TEX52: variants seen among roughly 807,000 people sequenced by gnomAD.
The protein encoded by TEX52 is testis expressed 52, also known as testis-expressed protein 52.
A neutral mutation model predicts 17.6 loss-of-function variants in TEX52; 22 were observed. The observed-to-expected ratio is 1.25, with a 90% CI of 0.89 to 1.78. TEX52 has a LOEUF of 1.78. TEX52 is among the 40% of genes most tolerant of loss of function. The pLI, the probability that TEX52 is intolerant of heterozygous loss-of-function variation, is 0.00. For synonymous variants in TEX52, 168 were observed against 147.4 expected, an observed-to-expected ratio of 1.14 and a Z score of -1.01; for missense variants, 396 against 372.3, an observed-to-expected ratio of 1.06 and a Z score of -0.52.
intron 1 of TEX52, 146 bp downstream of exon 1, chr12:2,856,809 T>C: frequency 6.4e-6 from 4 of 627,162 alleles, no homozygotes; most frequent in Non-Finnish European, 1.1e-5. Flanking sequence ...GGGTTCCTAG[T>C]GTCATAGGAT....
chr12:2,855,176 G>A lies in TEX52; in HGVS notation c.343C>T (p.Pro115Ser), dbSNP rs1360599459. The A allele has an allele frequency of 9.2e-6, 14 of 1,514,914 alleles. No homozygotes were observed. Among genetic ancestry groups the A allele is most frequent in the Non-Finnish European group, 1.1e-5 (13 of 1,133,264 alleles). 93.8% of individuals were successfully genotyped at this position (1,514,914 alleles called of 1,614,324 possible). ...PATFPTQPDR[P>S]YDSNVWRWLT... ...CAGCGCCAGACATTGCTATCGTAGG[G>A]CCTGTCAGGCTGGGTGGGGAAGGTG... The change falls in exon 2 of 3, where the codon CCC becomes TCC. Residue 115 changes from proline (P) to serine (S), a missense_variant. Pro to Ser is a moderately conservative substitution (Grantham distance 74, BLOSUM62 -1). Transcript: ENST00000637658.
At chr12:2,851,509 G>A (rs190022382) in intron 2 of TEX52, among the ~76,000 whole-genome samples, 1 of 150,302 alleles carries the variant, frequency 6.7e-6, no homozygotes, top group African/African-American at 2.4e-5. Flanking sequence ...TGCCCGGCTA[G>A]TTTTTGTATT....
At chr12:2,853,755 GAC>G (rs1398712720) in intron 2 of TEX52, among the ~76,000 whole-genome samples, 1 of 152,072 alleles carries the variant, frequency 6.6e-6, no homozygotes, top group East Asian at 1.9e-4. Context: ...GCCTGGGCTG[GAC>G]ACAGTTGGGA....
chr12:2,855,138 G>A lies in TEX52; in HGVS notation c.381C>T (p.Ser127=), dbSNP rs1210164798. Residue 127 remains serine (S), a synonymous_variant, in exon 2 of 3, where the codon TCC becomes TCT. Coordinates refer to ENST00000637658, the MANE Select transcript of TEX52 (RefSeq NM_001365174.2). ...DSNVWRWLTD[S]NAHRCPPTEH... The stretch of plus-strand genomic sequence containing the variant: ...CCGTGGGGGGGCATCTGTGGGCATT[G>A]GAGTCGGTCAGCCAGCGCCAGACAT... 1 of 1,531,510 alleles carries A rather than the reference G, an allele frequency of 6.5e-7. No individual in the cohort carries two copies. The allele number at this position is 1,531,510 out of a possible 1,614,324, so 94.9% of individuals were successfully genotyped here. A position where few individuals can be genotyped will look rare whatever the true frequency, so the allele number is the denominator to read the frequency against.
At chr12:2,851,416 C>A (rs1313092450) in intron 2 of TEX52, among the ~76,000 whole-genome samples, 1 of 152,140 alleles carries the variant, frequency 6.6e-6, no homozygotes, top group Non-Finnish European at 1.5e-5. Context: ...GATCTTGGCT[C>A]ACTGCAACCT....
chr12:2,849,176 A>C lies in TEX52; in HGVS notation c.*55T>G. On this transcript the variant is annotated 3_prime_UTR_variant, in exon 3 of 3. Coordinates refer to ENST00000637658, the MANE Select transcript of TEX52 (RefSeq NM_001365174.2). The stretch of plus-strand genomic sequence containing the variant: ...CCTCTTGCTGAAGGAGCATTGATTG[A>C]GAACACTGGAGCCTGGGGCTCTGGG... 6.8e-7 allele frequency: 1 copy of C among 1,474,612 alleles called. No homozygotes were observed. Among genetic ancestry groups the C allele is most frequent in the Non-Finnish European group, 9.0e-7 (1 of 1,116,814 alleles). 91.3% of individuals were successfully genotyped at this position (1,474,612 alleles called of 1,614,324 possible).
chr12:2,854,638 A>T (rs2153929506), intron 2 of TEX52, among the ~76,000 whole-genome samples: 1 of 152,162 alleles, frequency 6.6e-6, no homozygotes, highest in South Asian at 2.1e-4. Flanking sequence ...ACTGAGTCAC[A>T]CTTCTCTGTG....
At chr12:2,853,397 T>C (rs1174671407) in intron 2 of TEX52, among the ~76,000 whole-genome samples, 1 of 152,080 alleles carries the variant, frequency 6.6e-6, no homozygotes, top group South Asian at 2.1e-4. Context: ...CTCAGCCTCC[T>C]GAGTAGCTGG....
At chr12:2,848,746 T>G (rs1382556146), downstream of TEX52, among the ~76,000 whole-genome samples, 1 of 152,140 alleles carries the variant, frequency 6.6e-6, no homozygotes, top group Non-Finnish European at 1.5e-5. Context: ...TTTGGTTATT[T>G]TTGCCTAAGA....
At chr12:2,852,546 T>C (rs1385138308) in intron 2 of TEX52, among the ~76,000 whole-genome samples, 1 of 152,022 alleles carries the variant, frequency 6.6e-6, no homozygotes, top group Non-Finnish European at 1.5e-5. Context: ...TTTTGATATT[T>C]TTGTGGAGAC....
intron 1 of TEX52, among the ~76,000 whole-genome samples, chr12:2,856,051 C>T (rs2098086291): frequency 6.6e-6 from 1 of 152,108 alleles, no homozygotes; most frequent in Non-Finnish European, 1.5e-5. Flanking sequence ...CCCTGCCCCC[C>T]ATTAAATAAA....
Position 2,854,879 on chromosome 12 carries a change from A to C in TEX52, c.623+17T>G. The C allele has an allele frequency of 6.6e-7, 1 of 1,519,976 alleles. No homozygotes were observed. The highest frequency in any genetic ancestry group is 8.8e-7 in the Non-Finnish European group (1 of 1,137,540). 94.2% of individuals were successfully genotyped at this position (1,519,976 alleles called of 1,614,324 possible). A position where few individuals can be genotyped will look rare whatever the true frequency, so the allele number is the denominator to read the frequency against. ...CAGGGCAGGCTGGGTGGGCTCCCTG[A>C]GGAGGCACCGTCTTACTTCTTGAAG... On this transcript the variant is annotated intron_variant, in intron 2 of 2. Coordinates refer to ENST00000637658, the MANE Select transcript of TEX52 (RefSeq NM_001365174.2).
At chr12:2,849,607 T>A in intron 2 of TEX52, 82 bp from the exon 3 acceptor site, 5 of 1,443,184 alleles carry the variant, frequency 3.5e-6, no homozygotes, top group South Asian at 1.3e-5. Flanking sequence ...AGGGGAAGGG[T>A]GATGCCGCTG....
intron 1 of TEX52, 92 bp from the exon 2 acceptor site, chr12:2,855,538 A>C: frequency 1.0e-6 from 1 of 993,090 alleles, no homozygotes; most frequent in African/African-American, 1.6e-5. Context: ...CCCAGGCACG[A>C]CCTCTGCCAG....
chr12:2,855,741 C>T (rs1259165000), intron 1 of TEX52, among the ~76,000 whole-genome samples: 1 of 152,210 alleles, frequency 6.6e-6, no homozygotes, highest in Non-Finnish European at 1.5e-5. Flanking sequence ...TCACCTCCCT[C>T]CTCCGTTCTG....
chr12:2,855,566 G>T, intron 1 of TEX52, 120 bp from the exon 2 acceptor site: 1 of 749,060 alleles, frequency 1.3e-6, no homozygotes, highest in South Asian at 3.3e-5. Context: ...TTCTCATGAG[G>T]ACGCAGAAGT....
rs1408449282 is a variant in TEX52, at chr12:2,853,611, TTG to T, written c.623+1283_623+1284del. Among the ~76,000 whole-genome samples the T allele has an allele frequency of 8.2e-3, 1,192 of 146,114 alleles. 12 individuals are homozygous for T. Among genetic ancestry groups the T allele is most frequent in the African/African-American group, 0.028 (1,116 of 40,256 alleles). ...GTTGTTGTTGTTTTTGTTTTTGTTT[TTG>T]TTTTTTTTTCAGATTAAAAATCTTC... On this transcript the variant is annotated intron_variant, in intron 2 of 2. Transcript: ENST00000637658.
chr12:2,849,280 G>A lies in TEX52; in HGVS notation c.869C>T (p.Ala290Val), dbSNP rs779956661. 2 of 1,536,142 alleles carry A rather than the reference G, an allele frequency of 1.3e-6. No individual in the cohort carries two copies. Among genetic ancestry groups the A allele is most frequent in the South Asian group, 2.4e-5 (2 of 84,054 alleles). ...CCTCTTCCTTGCTGGGGATTTGCTTGCTTGTGCCTTGGAGAGATGGTGGAG... is the reference window on the plus strand; with the variant it reads ...CCTCTTCCTTGCTGGGGATTTGCTTACTTGTGCCTTGGAGAGATGGTGGAG... ...LPLHHLSKAQASKSPARKRKR... is the reference protein window; with the variant it reads ...LPLHHLSKAQVSKSPARKRKR... The change falls in exon 3 of 3, where the codon GCA becomes GTA. Residue 290 changes from alanine to valine, a missense_variant. By Grantham distance (64) the Ala-to-Val change is moderately conservative. Transcript: ENST00000637658.
chr12:2,853,577 T>G (rs562006377), intron 2 of TEX52, among the ~76,000 whole-genome samples: 1,784 of 152,054 alleles, frequency 0.012, 30 homozygotes, highest in African/African-American at 0.039. Context: ...CCGGCCTGTT[T>G]TTTTTGTTGT....
Sources: gnomAD v4.1 joint callset for allele counts (sites outside exome capture counted in the v4.1 genomes callset) on GRCh38, gnomAD v4.1.1 for gene constraint, MANE v1.5 for transcripts, NCBI Gene and HGNC (gene_info 2026-07-23, HGNC 2026-07-21) for gene names.